The following PWWP3B variants were observed in gnomAD, a reference collection of about 807,000 sequenced individuals.
The protein encoded by PWWP3B is PWWP domain containing 3B, also known as PWWP domain-containing DNA repair factor 3B.
In PWWP3B, 5 loss-of-function variants were observed where a neutral mutation model predicts 15.7. That is an observed-to-expected ratio of 0.32 (90% CI 0.17 to 0.67). The LOEUF (loss-of-function observed/expected upper bound fraction) is 0.67, where lower values mean the gene tolerates loss of function less well. Among genes scored for constraint, PWWP3B ranks in the 30% least tolerant of loss-of-function variants. The pLI, the probability that PWWP3B is intolerant of heterozygous loss-of-function variation, is 0.74. For missense variants in PWWP3B, 519 were observed against 493.1 expected (o/e 1.05, Z -0.50); for synonymous variants, 203 against 179.8 (o/e 1.13, Z -1.03).
At chrX:106,203,632 A>G (rs775657137) in intron 2 of PWWP3B, among the ~76,000 whole-genome samples, 2 of 112,352 alleles carry the variant, frequency 1.8e-5, no homozygotes, top group African/African-American at 3.2e-5. Context: ...AAAAAATTGT[A>G]TGTGTAAAGA....
intron 2 of PWWP3B, among the ~76,000 whole-genome samples, 178 bp downstream of exon 2, chrX:106,171,317 C>T (rs1015173484): frequency 8.9e-6 from 1 of 111,767 alleles, no homozygotes; most frequent in Non-Finnish European, 1.9e-5. Context: ...ATTTTGTTTC[C>T]TGTTCTACAG....
intron 1 of PWWP3B, among the ~76,000 whole-genome samples, chrX:106,169,305 A>C (rs1448659244): frequency 8.9e-6 from 1 of 111,998 alleles, no homozygotes. Context: ...ATGTAATTTT[A>C]AATAGTATAT....
intron 2 of PWWP3B, among the ~76,000 whole-genome samples, chrX:106,198,210 AG>A (rs1178151019): frequency 9.0e-6 from 1 of 111,562 alleles, no homozygotes; most frequent in African/African-American, 3.3e-5. Flanking sequence ...CAGTCAGAAA[AG>A]TTTCATCACC....
chrX:106,178,833 C>A (rs903481368), intron 2 of PWWP3B, among the ~76,000 whole-genome samples: 1 of 112,323 alleles, frequency 8.9e-6, no homozygotes, highest in Admixed American at 9.5e-5. Flanking sequence ...TTTTATATAT[C>A]TTTCTCATAT....
chrX:106,197,619 G>T (rs1240489076), intron 2 of PWWP3B, among the ~76,000 whole-genome samples: 1 of 112,312 alleles, frequency 8.9e-6, no homozygotes, highest in Non-Finnish European at 1.9e-5. Flanking sequence ...AAAAGAACTT[G>T]GCATTAAGTG....
rs1387392119 is a variant in PWWP3B at position 106,207,757 on chromosome X, T to G, written c.*234T>G. The stretch of plus-strand genomic sequence containing the variant: ...TTCAGCAGTTCTACTTTCCCGTACA[T>G]TTTTTAGAAAGCATAATTCCTAAAT... On this transcript the variant is annotated 3_prime_UTR_variant, in exon 4 of 4. Coordinates refer to ENST00000357175, the MANE Select transcript of PWWP3B (RefSeq NM_001171020.2). 6.3e-6 allele frequency: 2 copies of G among 316,242 alleles called. No homozygotes were observed. The highest frequency in any genetic ancestry group is 5.0e-5 in the East Asian group (1 of 20,004). 26.1% of individuals were successfully genotyped at this position (316,242 alleles called of 1,213,427 possible). A position where few individuals can be genotyped will look rare whatever the true frequency, so the allele number is the denominator to read the frequency against.
intron 2 of PWWP3B, among the ~76,000 whole-genome samples, chrX:106,174,874 C>A (rs1386802634): frequency 9.1e-6 from 1 of 109,394 alleles, no homozygotes; most frequent in Non-Finnish European, 1.9e-5. Flanking sequence ...ATGGTGAAAC[C>A]CCATCTCTAC....
intron 2 of PWWP3B, among the ~76,000 whole-genome samples, chrX:106,181,498 A>G (rs1602832451): frequency 9.0e-6 from 1 of 111,442 alleles, no homozygotes; most frequent in South Asian, 3.8e-4. Context: ...TGCATTTACA[A>G]TCCTCTAGCT....
intron 2 of PWWP3B, among the ~76,000 whole-genome samples, chrX:106,197,112 G>A (rs775261373): frequency 1.8e-3 from 198 of 111,320 alleles, no homozygotes; most frequent in Middle Eastern, 4.7e-3. Context: ...GAACCTTTAG[G>A]GCAAGGCTTT....
At chrX:106,187,269 A>G (rs748369830) in intron 2 of PWWP3B, among the ~76,000 whole-genome samples, 2 of 112,105 alleles carry the variant, frequency 1.8e-5, no homozygotes, top group Non-Finnish European at 3.8e-5. Context: ...TTATTTGTCT[A>G]TGCACTGTAA....
chrX:106,180,784 G>A (rs759869357), intron 2 of PWWP3B, among the ~76,000 whole-genome samples: 1 of 111,752 alleles, frequency 8.9e-6, no homozygotes, highest in Non-Finnish European at 1.9e-5. Flanking sequence ...CCTTTTTCCT[G>A]TCCCCTTCTT....
At chrX:106,186,751 C>T (rs1198716780) in intron 2 of PWWP3B, among the ~76,000 whole-genome samples, 2 of 110,994 alleles carry the variant, frequency 1.8e-5, no homozygotes, top group Non-Finnish European at 3.8e-5. Flanking sequence ...GGGACCCAAG[C>T]GGGTTGCTGC....
intron 2 of PWWP3B, among the ~76,000 whole-genome samples, chrX:106,172,005 AAC>A (rs1216934921): frequency 1.8e-5 from 2 of 111,746 alleles, no homozygotes; most frequent in Non-Finnish European, 3.8e-5. Flanking sequence ...ATAAACCAAT[AAC>A]AGTCATTTAT....
chrX:106,194,924 G>A (rs942581329), intron 2 of PWWP3B, among the ~76,000 whole-genome samples: 17 of 111,239 alleles, frequency 1.5e-4, no homozygotes, highest in African/African-American at 5.3e-4. Context: ...AGCAGTACCC[G>A]GCCGTATGAG....
chrX:106,194,519 C>G (rs769086388), intron 2 of PWWP3B, among the ~76,000 whole-genome samples: 6 of 112,022 alleles, frequency 5.4e-5, no homozygotes, highest in Non-Finnish European at 7.5e-5. Flanking sequence ...GTTTGATCAT[C>G]TGAAGCCTTC....
At chrX:106,186,359 T>C (rs1451026366) in intron 2 of PWWP3B, among the ~76,000 whole-genome samples, 2 of 111,063 alleles carry the variant, frequency 1.8e-5, no homozygotes, top group Non-Finnish European at 3.8e-5. Flanking sequence ...CTCCGAAGCA[T>C]TGGGGTTTGT....
Position 106,205,588 on chromosome X carries a change from C to T in PWWP3B, c.156C>T (p.Ser52=), listed in dbSNP as rs1430994335. ...TAGATGAAAAAATTAAATTGGACAG[C>T]ACAGAAACAAAGATCCTAAATAAAT... is the stretch of plus-strand genomic sequence containing the variant. ...LSLDEKIKLD[S]TETKILNKSQ... Residue 52 remains serine, a synonymous_variant, in exon 4 of 4, where the codon AGC becomes AGT. Coordinates refer to ENST00000357175, the MANE Select transcript of PWWP3B (RefSeq NM_001171020.2). 1 of 1,207,383 alleles carries T rather than the reference C, an allele frequency of 8.3e-7. No homozygotes were observed. Among genetic ancestry groups the T allele is most frequent in the Non-Finnish European group, 1.1e-6 (1 of 894,075 alleles).
In PWWP3B at chrX:106,202,065, C is replaced by T. The variant is rs765381023; in HGVS notation, c.-400-1920C>T. On this transcript the variant is annotated intron_variant, in intron 2 of 3. Transcript: ENST00000357175. ...CCCCTGTTTATATTGTTAGACACTC[C>T]GTTATTGTTTGAATATTTAGGCATT... Among the ~76,000 whole-genome samples, 5 of 111,614 alleles carry T rather than the reference C, an allele frequency of 4.5e-5. No homozygotes were observed. The East Asian group carries it at 1.4e-3, about 31-fold the overall frequency.
intron 2 of PWWP3B, among the ~76,000 whole-genome samples, chrX:106,183,978 C>A (rs933482069): frequency 8.9e-6 from 1 of 111,834 alleles, no homozygotes; most frequent in African/African-American, 3.3e-5. Context: ...TCTTGTTGGA[C>A]AATCTTTTTT....
Sources: gnomAD v4.1 joint callset for allele counts (sites outside exome capture counted in the v4.1 genomes callset) on GRCh38, gnomAD v4.1.1 for gene constraint, MANE v1.5 for transcripts, NCBI Gene and HGNC (gene_info 2026-07-23, HGNC 2026-07-21) for gene names.